Variants in ARID3A observed in about 807,000 individuals in gnomAD.
ARID3A encodes AT-rich interaction domain 3A.
Under a neutral mutation model 52.7 loss-of-function variants are expected in ARID3A, and 11 were observed. That is an observed-to-expected ratio of 0.21 (90% CI 0.13 to 0.35). The LOEUF (loss-of-function observed/expected upper bound fraction) is 0.35. Among genes scored for constraint, ARID3A ranks in the 10% least tolerant of loss-of-function variants. The probability of loss-of-function intolerance (pLI) is 1.00; values close to 1 mark genes in which losing one functional copy is unlikely to be tolerated. For synonymous variants in ARID3A, 404 were observed against 359.4 expected, an observed-to-expected ratio of 1.12 and a Z score of -1.40; for missense variants, 721 against 838.5, an observed-to-expected ratio of 0.86 and a Z score of 1.73.
chr19:971,344 G>T (rs1267025233), intron 8 of ARID3A, among the ~76,000 whole-genome samples: 1 of 152,182 alleles, frequency 6.6e-6, no homozygotes, highest in South Asian at 2.1e-4. Context: ...AGCCACAGTG[G>T]CTCATGCCTG....
In ARID3A at chr19:966,738, T is replaced by C. The variant is rs530408623; in HGVS notation, c.1365T>C (p.Ser455=). The part of the protein sequence containing the change: ...ALEQLREKLE[S]AEPPEKKMAL... ...AACAGCTGCGGGAGAAGCTGGAGTC[T>C]GCAGAGCCTCCGGAGAAGAAGATGG... Residue 455 remains serine, a synonymous_variant, in exon 7 of 9, where the codon TCT becomes TCC. Coordinates refer to ENST00000263620, the MANE Select transcript of ARID3A (RefSeq NM_005224.3). 2.2e-5 allele frequency: 35 copies of C among 1,612,936 alleles called. 1 individual carries two copies. In the South Asian group the frequency reaches 3.8e-4, roughly 18 times the overall value.
At chr19:945,908 A>G (rs865862909) in intron 3 of ARID3A, among the ~76,000 whole-genome samples, 1 of 152,186 alleles carries the variant, frequency 6.6e-6, no homozygotes, top group South Asian at 2.1e-4. Flanking sequence ...CCTGCTGGGC[A>G]TGACACTTCT....
At chr19:946,267 T>C (rs1265100833) in intron 3 of ARID3A, among the ~76,000 whole-genome samples, 1 of 151,576 alleles carries the variant, frequency 6.6e-6, no homozygotes, top group East Asian at 2.0e-4. Context: ...TATTTATTTA[T>C]GTATTTATTT....
upstream of ARID3A, chr19:925,753 G>A (rs1205931196): frequency 6.6e-6 from 1 of 152,120 alleles, no homozygotes; most frequent in Admixed American, 6.5e-5. Context: ...TCCTTTAAAG[G>A]GGCCGCGACC....
At chr19:933,808 G>A (rs942682062) in intron 3 of ARID3A, among the ~76,000 whole-genome samples, 7 of 151,222 alleles carry the variant, frequency 4.6e-5, no homozygotes, top group East Asian at 2.0e-4. Flanking sequence ...AGCCGGACAC[G>A]GTGTGGGAGA....
chr19:970,672 A>G (rs1287284015), intron 8 of ARID3A, among the ~76,000 whole-genome samples: 4 of 151,736 alleles, frequency 2.6e-5, no homozygotes, highest in African/African-American at 9.7e-5. Flanking sequence ...ACGGGGTTTC[A>G]CCATGTTGGT....
chr19:968,229 G>T (rs1297274263), intron 7 of ARID3A, among the ~76,000 whole-genome samples, 176 bp from the exon 8 acceptor site: 2 of 151,140 alleles, frequency 1.3e-5, no homozygotes, highest in African/African-American at 4.9e-5. Flanking sequence ...GCGTGGTGGC[G>T]GGCGCCTGTA....
chr19:929,647 G>A lies in ARID3A; in HGVS notation c.119G>A (p.Arg40Gln), dbSNP rs745854452. 3.6e-5 allele frequency: 56 copies of A among 1,535,152 alleles called. No homozygotes were observed. The highest frequency in any genetic ancestry group is 5.9e-5 in the South Asian group (5 of 84,130). ...CCTGCTGCACCCCCCGGCCGGGCCC[G>A]GGCTGCCCCCGACGAGGACAGAGAG... The part of the protein sequence containing the change: ...DPPAAPPGRA[R>Q]AAPDEDREPE... The change falls in exon 2 of 9, where the codon CGG becomes CAG. Residue 40 changes from arginine (R) to glutamine (Q), a missense_variant. Arg to Gln is a conservative substitution (Grantham distance 43). Coordinates refer to ENST00000263620, the MANE Select transcript of ARID3A (RefSeq NM_005224.3). The surrounding 1 kb of genome is among the most constrained non-coding windows in gnomAD (Gnocchi z 6.2).
Position 964,930 on chromosome 19 carries a change from C to A in ARID3A, c.1048C>A (p.Arg350=). Residue 350 remains arginine (R), a synonymous_variant, in exon 6 of 9, where the codon CGG becomes AGG. Transcript: ENST00000263620. The surrounding 1 kb of genome is among the most constrained non-coding windows in gnomAD (Gnocchi z 5.7). Reference sequence around the variant, plus strand: ...CATAGACAGCAACCGACGGGAGGGCCGGCGCCAGAGCTTTGGTGGCTCCCT... The same window carrying A: ...CATAGACAGCAACCGACGGGAGGGCAGGCGCCAGAGCTTTGGTGGCTCCCT... ...AAIDSNRREG[R]RQSFGGSLFA... is the part of the protein sequence containing the mutation. 1 of 1,613,952 alleles carries A rather than the reference C, an allele frequency of 6.2e-7. No individual in the cohort carries two copies. The highest frequency in any genetic ancestry group is 2.2e-5 in the East Asian group (1 of 44,880).
In ARID3A at chr19:938,933, T is replaced by C. The variant is rs1028204372; in HGVS notation, c.693+6191T>C. 4.4e-5 allele frequency among the ~76,000 whole-genome samples: 6 copies of C among 134,966 alleles called. No individual in the cohort carries two copies. Among genetic ancestry groups the C allele is most frequent in the African/African-American group, 1.3e-4 (4 of 30,984 alleles). 88.5% of individuals were successfully genotyped at this position (134,966 alleles called of 152,430 possible). On this transcript the variant is annotated intron_variant, in intron 3 of 8. Coordinates refer to ENST00000263620, the MANE Select transcript of ARID3A (RefSeq NM_005224.3). This position sits in a 1 kb window ranked among gnomAD's most constrained non-coding sequence, Gnocchi z 4.0. ...ATAGATACATTATTTTATCTCTCTT[T>C]TTTTTTTTTTTTTTTGAGACGGAGT...
rs1206850263 is a variant in ARID3A, at chr19:973,360, C to T, written c.*1295C>T. 6.0e-5 allele frequency: 11 copies of T among 181,872 alleles called. No individual in the cohort carries two copies. Among genetic ancestry groups the T allele is most frequent in the African/African-American group, 1.2e-4 (5 of 42,284 alleles). 11.3% of individuals were successfully genotyped at this position (181,872 alleles called of 1,614,324 possible). On this transcript the variant is annotated 3_prime_UTR_variant, in exon 9 of 9. Coordinates refer to ENST00000263620, the MANE Select transcript of ARID3A (RefSeq NM_005224.3). ...AACTCCTGACCTCAGGTGATCTGCCCGCCTTGGCCTCCCAAAGTGCTGGGA... is the reference window on the plus strand; with the variant it reads ...AACTCCTGACCTCAGGTGATCTGCCTGCCTTGGCCTCCCAAAGTGCTGGGA...
chr19:956,707 G>A (rs1222050608), intron 3 of ARID3A: 2 of 152,656 alleles, frequency 1.3e-5, no homozygotes, highest in African/African-American at 4.8e-5. Flanking sequence ...GGGCAGCCTC[G>A]ACCACCCAGG....
At chr19:955,926 G>T (rs757924984) in intron 3 of ARID3A, among the ~76,000 whole-genome samples, 2 of 152,248 alleles carry the variant, frequency 1.3e-5, no homozygotes, top group South Asian at 2.1e-4. Flanking sequence ...CGAGGCGTCC[G>T]CAGGGCTGCG....
rs964448176 is a variant in ARID3A at position 942,054 on chromosome 19, G to A, written c.693+9312G>A. 1.3e-5 allele frequency among the ~76,000 whole-genome samples: 2 copies of A among 152,166 alleles called. No homozygotes were observed. The highest frequency in any genetic ancestry group is 2.1e-4 in the South Asian group (1 of 4,832). ...CTGTCTGTCTTGGTCAGCAGCGCGC[G>A]TCGGCCGCGGGGCACAGATCAGCGC... On this transcript the variant is annotated intron_variant, in intron 3 of 8. Transcript: ENST00000263620. This position sits in a 1 kb window ranked among gnomAD's most constrained non-coding sequence, Gnocchi z 8.1.
In ARID3A at chr19:964,810, C is replaced by A. The variant is rs752394407; in HGVS notation, c.951-23C>A. ...CCGTAGGGGTGACCCGGGTGCCATC[C>A]TCTTCCCTCGTCCCACCCACAGATA... On this transcript the variant is annotated intron_variant, in intron 5 of 8. Coordinates refer to ENST00000263620, the MANE Select transcript of ARID3A (RefSeq NM_005224.3). The surrounding 1 kb of genome is among the most constrained non-coding windows in gnomAD (Gnocchi z 5.7). 1.2e-6 allele frequency: 2 copies of A among 1,605,446 alleles called. No homozygotes were observed. The highest frequency in any genetic ancestry group is 1.7e-6 in the Non-Finnish European group (2 of 1,173,436).
In ARID3A at chr19:964,430, C is replaced by A; in HGVS notation, c.949C>A (p.Gln317Lys). The change falls in exon 5 of 9, where the codon CAA becomes AAA. Residue 317 changes from glutamine to lysine, a missense_variant and splice_region_variant. By Grantham distance (53) the Gln-to-Lys change is moderately conservative. Transcript: ENST00000263620. This position sits in a 1 kb window ranked among gnomAD's most constrained non-coding sequence, Gnocchi z 5.7. ...CAGTGCAGCCTTCACCCTGCGGACC[C>A]AGTGAGTGGCGGACGGTTGTGCCGA... ...ITSAAFTLRT[Q>K]YMKYLYPYEC... The A allele has an allele frequency of 6.3e-7, 1 of 1,590,652 alleles. No individual in the cohort carries two copies. The highest frequency in any genetic ancestry group is 2.3e-5 in the East Asian group (1 of 43,290).
At position 974,901 on chromosome 19, in the gene ARID3A, G is replaced by A. The variant is rs1282690459; in HGVS notation, c.*2836G>A. On this transcript the variant is annotated 3_prime_UTR_variant, in exon 9 of 9. Coordinates refer to ENST00000263620, the MANE Select transcript of ARID3A (RefSeq NM_005224.3). ...GGGGTGGGCGCGAGGCTGGGTCCCG[G>A]CCCAGGAGAAGGAAGTCGCTGAAGG... is the stretch of plus-strand genomic sequence containing the variant. 4 of 226,590 alleles carry A rather than the reference G, an allele frequency of 1.8e-5. No homozygotes were observed. Among genetic ancestry groups the A allele is most frequent in the Middle Eastern group, 1.3e-3 (1 of 776 alleles). The allele number at this position is 226,590 out of a possible 1,614,324, so 14.0% of individuals were successfully genotyped here.
At chr19:954,791 G>C (rs947074586) in intron 3 of ARID3A, among the ~76,000 whole-genome samples, 1 of 149,346 alleles carries the variant, frequency 6.7e-6, no homozygotes, top group Admixed American at 6.7e-5. Flanking sequence ...CAGACGGGAG[G>C]AACAGCCGGG....
At position 964,536 on chromosome 19, in the gene ARID3A, G is replaced by C; in HGVS notation, c.950+105G>C. 3 of 1,402,776 alleles carry C rather than the reference G, an allele frequency of 2.1e-6. No individual in the cohort carries two copies. In the East Asian group the frequency reaches 7.5e-5, roughly 35 times the overall value. The allele number at this position is 1,402,776 out of a possible 1,614,324, so 86.9% of individuals were successfully genotyped here. ...GGGTGGTGGGCAGCTGCAGAGGAGG[G>C]GGCAGTGGGCAGCCGCAAAGGGCAC... On this transcript the variant is annotated intron_variant, in intron 5 of 8. Transcript: ENST00000263620. This position sits in a 1 kb window ranked among gnomAD's most constrained non-coding sequence, Gnocchi z 5.7.
Sources: gnomAD v4.1 joint callset for allele counts (sites outside exome capture counted in the v4.1 genomes callset) on GRCh38, gnomAD v4.1.1 for gene constraint, Gnocchi (gnomAD v3.1) non-coding constraint, MANE v1.5 for transcripts, NCBI Gene and HGNC (gene_info 2026-07-23, HGNC 2026-07-21) for gene names.